Variants in DLGAP2 observed in about 807,000 individuals in gnomAD.
DLGAP2 encodes the protein DLG associated protein 2, also known as disks large-associated protein 2.
DLGAP2 carries 26 observed loss-of-function variants against 100.3 expected under a neutral mutation model. That is an observed-to-expected ratio of 0.26 (90% CI 0.19 to 0.36). The LOEUF is 0.36. Among genes scored for constraint, DLGAP2 ranks in the 10% least tolerant of loss-of-function variants. DLGAP2 has a pLI of 1.00. For synonymous variants in DLGAP2, 886 were observed against 630.1 expected, an observed-to-expected ratio of 1.41 and a Z score of -6.08; for missense variants, 1,858 against 1,453.2, an observed-to-expected ratio of 1.28 and a Z score of -4.53.
chr8:1,019,345 G>A (rs898965540), intron 2 of DLGAP2: 1 of 151,796 alleles, frequency 6.6e-6, no homozygotes, highest in Non-Finnish European at 1.5e-5. Context: ...GGAAGTACCA[G>A]GACCAGAGAA....
chr8:1,237,372 G>A (rs1798684790), intron 2 of DLGAP2, among the ~76,000 whole-genome samples: 3 of 92,980 alleles, frequency 3.2e-5, no homozygotes, highest in Non-Finnish European at 6.3e-5. Context: ...ATGGCGCCGT[G>A]TCTGTTTCTC....
chr8:1,355,455 C>G lies in DLGAP2; in HGVS notation c.106+96572C>G, dbSNP rs187165300. Among the ~76,000 whole-genome samples, 658 of 152,290 alleles carry G rather than the reference C, an allele frequency of 4.3e-3. 8 individuals carry two copies. Among genetic ancestry groups the G allele is most frequent in the African/African-American group, 0.015 (628 of 41,540 alleles). On this transcript the variant is annotated intron_variant, in intron 3 of 14. Transcript: ENST00000637795. ...TCTTGGCTCACTGCAACCTCCACCT[C>G]CCGGGTTCAAGCGATTCTCCTGCCT...
chr8:1,036,337 T>C (rs369790215), intron 2 of DLGAP2, among the ~76,000 whole-genome samples: 3 of 152,236 alleles, frequency 2.0e-5, no homozygotes, highest in Non-Finnish European at 4.4e-5. Flanking sequence ...TCTGCTGCAG[T>C]GGATGCTGGC....
chr8:1,511,422 G>A (rs566700666), intron 4 of DLGAP2, among the ~76,000 whole-genome samples: 26 of 133,752 alleles, frequency 1.9e-4, no homozygotes, highest in African/African-American at 7.3e-4. Flanking sequence ...GTCTAGTGTA[G>A]GACAATCAGT....
chr8:1,585,324 C>G (rs1459527757), intron 6 of DLGAP2, among the ~76,000 whole-genome samples: 1 of 151,534 alleles, frequency 6.6e-6, no homozygotes, highest in Non-Finnish European at 1.5e-5. Context: ...ATTAGCCAGG[C>G]ATTTTGGCCC....
At chr8:1,620,449 C>G (rs1430923236) in intron 6 of DLGAP2, 1 of 152,400 alleles carries the variant, frequency 6.6e-6, no homozygotes, top group Non-Finnish European at 1.5e-5. Context: ...ATCTGAAGCA[C>G]TCAGAGGTTC....
intron 1 of DLGAP2, among the ~76,000 whole-genome samples, chr8:848,864 TCGCGCGGTGTCTGTTCCAGCATAGGAA>T (rs1563061803): frequency 1.2e-4 from 15 of 130,326 alleles, no homozygotes; most frequent in African/African-American, 3.3e-4. Context: ...CAGCATAGGA[TCGCGCGGTGTCTGTTCCAGCATAGGAA>T]CGCGCGGTGC....
chr8:1,446,277 A>C (rs1330989453), intron 3 of DLGAP2, among the ~76,000 whole-genome samples: 1 of 152,144 alleles, frequency 6.6e-6, no homozygotes, highest in Non-Finnish European at 1.5e-5. Context: ...TATAAGGTGT[A>C]AGGAAGGGAT....
At chr8:1,013,476 C>G (rs1353648580) in intron 2 of DLGAP2, among the ~76,000 whole-genome samples, 2 of 152,092 alleles carry the variant, frequency 1.3e-5, no homozygotes, top group African/African-American at 2.4e-5. Flanking sequence ...ATGAGCCAGC[C>G]TTTCCCAGGA....
intron 2 of DLGAP2, among the ~76,000 whole-genome samples, chr8:1,209,474 A>T (rs1343734823): frequency 6.6e-6 from 1 of 152,212 alleles, no homozygotes; most frequent in Non-Finnish European, 1.5e-5. Flanking sequence ...TGCTGGTCCC[A>T]TGGTGGGCAT....
chr8:767,885 G>C (rs1039232958), intron 1 of DLGAP2, among the ~76,000 whole-genome samples: 9 of 152,150 alleles, frequency 5.9e-5, no homozygotes, highest in African/African-American at 1.9e-4. Flanking sequence ...TTGCAGTAGA[G>C]GGCTTCATTT....
intron 2 of DLGAP2, among the ~76,000 whole-genome samples, chr8:1,036,097 C>T (rs74787841): frequency 0.011 from 1,480 of 136,414 alleles, 3 homozygotes; most frequent in African/African-American, 0.041. Flanking sequence ...ATCCCGACCC[C>T]GCGTGTCACC....
chr8:1,631,208 C>T (rs1429906511), intron 7 of DLGAP2, among the ~76,000 whole-genome samples: 2 of 152,042 alleles, frequency 1.3e-5, no homozygotes, highest in Admixed American at 1.3e-4. Flanking sequence ...GGAAGCATAG[C>T]CGAGGGTCCT....
chr8:1,582,706 C>T (rs193129207), intron 6 of DLGAP2, among the ~76,000 whole-genome samples: 146 of 152,286 alleles, frequency 9.6e-4, no homozygotes, highest in African/African-American at 3.3e-3. Flanking sequence ...TCTCCTGCCT[C>T]AGCCTCCCGA....
intron 8 of DLGAP2, among the ~76,000 whole-genome samples, chr8:1,665,634 C>T (rs563559581): frequency 3.5e-4 from 54 of 152,306 alleles, no homozygotes; most frequent in African/African-American, 1.2e-3. Context: ...AAAACTTCTT[C>T]GGAATCAATA....
In DLGAP2 at chr8:1,701,432, G is replaced by T. The variant is rs768355399; in HGVS notation, c.*26G>T. 1.9e-6 allele frequency: 3 copies of T among 1,553,966 alleles called. No individual in the cohort carries two copies. The East Asian group carries it at 7.2e-5, about 37-fold the overall frequency. On this transcript the variant is annotated 3_prime_UTR_variant, in exon 15 of 15. Coordinates refer to ENST00000637795, the MANE Select transcript of DLGAP2 (RefSeq NM_001346810.2). ...GGGCGGAGGCCGGCGCCTTCCCCTC[G>T]TCGCTTCCGCTTTCCCGGACGCTTG...
At chr8:1,017,436 GT>G (rs1455668837) in intron 2 of DLGAP2, among the ~76,000 whole-genome samples, 1 of 39,058 alleles carries the variant, frequency 2.6e-5, no homozygotes, top group African/African-American at 1.8e-4. Context: ...TCCACTGTGT[GT>G]ATGACCAGGA....
chr8:927,123 A>G, intron 2 of DLGAP2: 1 of 985,380 alleles, frequency 1.0e-6, no homozygotes, highest in Non-Finnish European at 1.2e-6. Flanking sequence ...GGAGCAAACT[A>G]ATCGATTGTA....
At chr8:1,415,751 C>T (rs1435807055) in intron 3 of DLGAP2, among the ~76,000 whole-genome samples, 1 of 152,172 alleles carries the variant, frequency 6.6e-6, no homozygotes, top group Admixed American at 6.5e-5. Context: ...TTTGCTATTG[C>T]GAACCTTGTG....
Sources: allele counts gnomAD v4.1 joint callset (sites outside exome capture counted in the v4.1 genomes callset), GRCh38; gene constraint gnomAD v4.1.1; transcripts MANE v1.5; gene names NCBI Gene and HGNC (gene_info 2026-07-23, HGNC 2026-07-21).